CDKL4: variants seen among roughly 807,000 people sequenced by gnomAD.
CDKL4 encodes the protein cyclin dependent kinase like 4.
In CDKL4, 44 loss-of-function variants were observed where a neutral mutation model predicts 42.0. That is an observed-to-expected ratio of 1.05 (90% CI 0.82 to 1.35). The LOEUF (loss-of-function observed/expected upper bound fraction) is 1.35. CDKL4 is among the 40% of genes most tolerant of loss of function. The pLI is 0.00. For synonymous variants in CDKL4, 120 were observed against 121.6 expected (o/e 0.99, Z 0.09); for missense variants, 393 against 369.9 (o/e 1.06, Z -0.51).
At chr2:39,195,856 A>G (rs1332459917) in intron 5 of CDKL4, among the ~76,000 whole-genome samples, 1 of 152,066 alleles carries the variant, frequency 6.6e-6, no homozygotes, top group Non-Finnish European at 1.5e-5. Context: ...CTTCTGAGGA[A>G]AATGGTTGAT....
At chr2:39,235,737 G>A (rs561435927) in intron 1 of CDKL4, among the ~76,000 whole-genome samples, 3 of 152,260 alleles carry the variant, frequency 2.0e-5, no homozygotes, top group South Asian at 2.1e-4. Context: ...TGTAGACAGA[G>A]TGAGACCTTG....
intron 2 of CDKL4, among the ~76,000 whole-genome samples, chr2:39,226,465 T>TATATATATATTATATATA (rs1491573672): frequency 9.7e-6 from 1 of 102,768 alleles, no homozygotes; most frequent in East Asian, 2.0e-4. Flanking sequence ...ATTATATATA[T>TATATATATATTATATATA]TATATATATA....
chr2:39,225,320 G>A (rs1678631841), intron 3 of CDKL4, among the ~76,000 whole-genome samples: 2 of 151,814 alleles, frequency 1.3e-5, no homozygotes, highest in African/African-American at 4.8e-5. Flanking sequence ...GCAGAGAACT[G>A]CTTGAACCCA....
chr2:39,178,581 TGAAGGACAGTCACCTGA>T, intron 9 of CDKL4: 1 of 1,552,454 alleles, frequency 6.4e-7, no homozygotes, highest in Non-Finnish European at 8.7e-7. Flanking sequence ...TGAAAGCAAG[TGAAGGACAGTCACCTGA>T]TAAACTGCAG....
At chr2:39,179,286 G>A (rs755371110) in exon 9 of CDKL4, 3 of 1,608,494 alleles carry the variant, frequency 1.9e-6, no homozygotes, top group African/African-American at 1.3e-5. Flanking sequence ...GTTGGGAACA[G>A]GTTAATCTGT....
Position 39,188,079 on chromosome 2 carries a change from AAAAC to A in CDKL4, c.653-374_653-371del, listed in dbSNP as rs199769008. Among the ~76,000 whole-genome samples, 194 of 152,114 alleles carry A rather than the reference AAAAC, an allele frequency of 1.3e-3. 2 individuals carry two copies. Among genetic ancestry groups the A allele is most frequent in the African/African-American group, 4.3e-3 (179 of 41,510 alleles). On this transcript the variant is annotated intron_variant, in intron 6 of 9. Transcript: ENST00000451199. ...CAAGACTCCATCTCAAAAACAAAACAAAACAAACAAACAAACAAAAAACAAAAAA... is the reference window on the plus strand; with the variant it reads ...CAAGACTCCATCTCAAAAACAAAACAAAACAAACAAACAAAAAACAAAAAA...
intron 1 of CDKL4, among the ~76,000 whole-genome samples, chr2:39,234,791 A>G (rs1679276668): frequency 6.6e-6 from 1 of 152,224 alleles, no homozygotes; most frequent in Non-Finnish European, 1.5e-5. Flanking sequence ...GTAACAGTGC[A>G]GCAGCATCTT....
downstream of CDKL4, among the ~76,000 whole-genome samples, chr2:39,172,329 A>G (rs1675024029): frequency 6.6e-6 from 1 of 151,946 alleles, no homozygotes; most frequent in African/African-American, 2.4e-5. Flanking sequence ...CGAAAAAAAA[A>G]AAAGAAAAAG....
intron 7 of CDKL4, among the ~76,000 whole-genome samples, chr2:39,185,173 T>C (rs1421869641): frequency 7.7e-5 from 10 of 129,470 alleles, no homozygotes; most frequent in South Asian, 4.5e-4. Context: ...TATGTATATA[T>C]ATACATATGT....
At chr2:39,210,858 C>T (rs1335755261) in intron 4 of CDKL4, among the ~76,000 whole-genome samples, 1 of 152,140 alleles carries the variant, frequency 6.6e-6, no homozygotes, top group Non-Finnish European at 1.5e-5. Flanking sequence ...TGAAAAATAT[C>T]CCTCTACATT....
At chr2:39,187,245 C>T (rs904974485) in intron 7 of CDKL4, among the ~76,000 whole-genome samples, 1 of 152,162 alleles carries the variant, frequency 6.6e-6, no homozygotes, top group African/African-American at 2.4e-5. Context: ...CCTCCCCAGC[C>T]ATGCTGGACT....
At chr2:39,226,054 T>G (rs1678696403) in intron 2 of CDKL4, 94 bp from the exon 3 acceptor site, 1 of 1,292,284 alleles carries the variant, frequency 7.7e-7, no homozygotes, top group East Asian at 2.6e-5. Context: ...GGAAGAAATT[T>G]AAGATTCATC....
chr2:39,233,076 GA>G (rs1358875249), intron 1 of CDKL4, among the ~76,000 whole-genome samples: 8 of 21,132 alleles, frequency 3.8e-4, no homozygotes, highest in Non-Finnish European at 9.9e-4. Flanking sequence ...AAGAAAGAAA[GA>G]AAAAGAAAAG....
At chr2:39,203,270 T>C (rs1484071144) in intron 5 of CDKL4, among the ~76,000 whole-genome samples, 3 of 152,228 alleles carry the variant, frequency 2.0e-5, no homozygotes, top group African/African-American at 7.2e-5. Flanking sequence ...TTTGGAAGTA[T>C]TGCCAGTTTA....
At chr2:39,193,742 A>G (rs1368162924) in intron 5 of CDKL4, among the ~76,000 whole-genome samples, 1 of 152,198 alleles carries the variant, frequency 6.6e-6, no homozygotes, top group Non-Finnish European at 1.5e-5. Context: ...AAAAGCATAA[A>G]GAAGAAAATA....
chr2:39,203,250 T>C (rs544222938), intron 5 of CDKL4, among the ~76,000 whole-genome samples: 2 of 152,264 alleles, frequency 1.3e-5, no homozygotes, highest in South Asian at 2.1e-4. Flanking sequence ...AAATTAAAAA[T>C]ATTTATACGT....
chr2:39,187,833 T>C (rs1041655084), intron 6 of CDKL4, 124 bp from the exon 7 acceptor site: 16 of 628,686 alleles, frequency 2.5e-5, no homozygotes, highest in Non-Finnish European at 4.2e-5. Context: ...TTTGAGAGGC[T>C]ACGGCAGGTG....
At chr2:39,222,548 C>A (rs1336506313) in intron 3 of CDKL4, among the ~76,000 whole-genome samples, 2 of 151,950 alleles carry the variant, frequency 1.3e-5, no homozygotes, top group Non-Finnish European at 2.9e-5. Flanking sequence ...CGAGATCGCC[C>A]CACTGCACTC....
chr2:39,209,108 C>G (rs1382584507), intron 4 of CDKL4, among the ~76,000 whole-genome samples: 1 of 147,332 alleles, frequency 6.8e-6, no homozygotes, highest in Non-Finnish European at 1.5e-5. Flanking sequence ...TGAGACCACC[C>G]TGGGCAACAC....
Sources: allele counts gnomAD v4.1 joint callset (sites outside exome capture counted in the v4.1 genomes callset), GRCh38; gene constraint gnomAD v4.1.1; transcripts MANE v1.5; gene names NCBI Gene and HGNC (gene_info 2026-07-23, HGNC 2026-07-21).